Variants in TTC39B observed in about 807,000 individuals in gnomAD.
TTC39B encodes the protein tetratricopeptide repeat domain 39B.
Under a neutral mutation model 96.6 loss-of-function variants are expected in TTC39B, and 92 were observed. The observed-to-expected ratio is 0.95, with a 90% CI of 0.80 to 1.13. The LOEUF is 1.13. TTC39B is among the 50% of genes most tolerant of loss of function. The pLI, the probability that TTC39B is intolerant of heterozygous loss-of-function variation, is 0.00. For missense variants in TTC39B, 955 were observed against 809.3 expected, an observed-to-expected ratio of 1.18 and a Z score of -2.18; for synonymous variants, 367 against 299.4, an observed-to-expected ratio of 1.23 and a Z score of -2.33.
Position 15,211,393 on chromosome 9 carries a change from T to A in TTC39B, c.487A>T (p.Lys163Ter). 6.6e-7 allele frequency: 1 copy of A among 1,525,182 alleles called. No homozygotes were observed. Among genetic ancestry groups the A allele is most frequent in the Middle Eastern group, 1.7e-4 (1 of 5,736 alleles). The allele number at this position is 1,525,182 out of a possible 1,614,324, so 94.5% of individuals were successfully genotyped here. ...CCCAAGGCATGGTACATACTCTCCTTAGCCCTGGGAAGAACACAGGGAATT... is the reference window on the plus strand; with the variant it reads ...CCCAAGGCATGGTACATACTCTCCTAAGCCCTGGGAAGAACACAGGGAATT... Residue 163 changes from lysine to a stop codon, truncating the protein, a stop_gained, in exon 5 of 20, where the codon AAG becomes TAG. Coordinates refer to ENST00000512701, the Ensembl canonical transcript of TTC39B. LOFTEE classifies it high-confidence loss of function.
At chr9:15,172,273 G>A (rs1421276448) in intron 19 of TTC39B, among the ~76,000 whole-genome samples, 164 bp from the exon 20 acceptor site, 2 of 151,954 alleles carry the variant, frequency 1.3e-5, no homozygotes, top group African/African-American at 4.8e-5. Flanking sequence ...GGGGGGTTTT[G>A]GGGGGAACTG....
At chr9:15,304,937 T>C (rs1319207711) in intron 1 of TTC39B, among the ~76,000 whole-genome samples, 7 of 152,020 alleles carry the variant, frequency 4.6e-5, no homozygotes, top group African/African-American at 1.7e-4. Flanking sequence ...CCTAACCTGG[T>C]ACTTTTCCAA....
chr9:15,207,767 C>T (rs1819951192), intron 6 of TTC39B, among the ~76,000 whole-genome samples: 1 of 151,626 alleles, frequency 6.6e-6, no homozygotes, highest in South Asian at 2.1e-4. Context: ...GGGCGGATCA[C>T]AAGGTCAGGA....
At chr9:15,262,397 C>T (rs1414489866) in intron 2 of TTC39B, among the ~76,000 whole-genome samples, 1 of 152,150 alleles carries the variant, frequency 6.6e-6, no homozygotes, top group East Asian at 1.9e-4. Flanking sequence ...TAGCACTTGG[C>T]CTATTTTAAT....
intron 8 of TTC39B, among the ~76,000 whole-genome samples, chr9:15,197,351 T>C (rs950476726): frequency 5.9e-5 from 9 of 152,204 alleles, no homozygotes; most frequent in Non-Finnish European, 1.3e-4. Context: ...AAGAAATCTA[T>C]ACAACAGCAT....
intron 2 of TTC39B, among the ~76,000 whole-genome samples, chr9:15,244,288 T>C (rs1207575599): frequency 6.6e-6 from 1 of 152,248 alleles, no homozygotes; most frequent in African/African-American, 2.4e-5. Flanking sequence ...TTATCCTCTC[T>C]TACCACATGA....
At chr9:15,249,906 T>C (rs1389361685) in intron 2 of TTC39B, 2 of 1,258,162 alleles carry the variant, frequency 1.6e-6, no homozygotes, top group Non-Finnish European at 2.0e-6. Flanking sequence ...TAAATAAATA[T>C]GACATACTCA....
chr9:15,281,436 C>T (rs1300847227), intron 1 of TTC39B, among the ~76,000 whole-genome samples: 1 of 152,004 alleles, frequency 6.6e-6, no homozygotes, highest in Non-Finnish European at 1.5e-5. Context: ...CTGGACCACT[C>T]ATACAGTGCC....
intron 2 of TTC39B, among the ~76,000 whole-genome samples, chr9:15,261,330 G>A (rs1007509147): frequency 6.6e-6 from 1 of 152,022 alleles, no homozygotes; most frequent in Admixed American, 6.5e-5. Context: ...AATAAAATTA[G>A]CCAGGCGTGA....
At chr9:15,266,116 G>C (rs888542929) in intron 2 of TTC39B, among the ~76,000 whole-genome samples, 8 of 152,144 alleles carry the variant, frequency 5.3e-5, no homozygotes, top group Non-Finnish European at 1.0e-4. Flanking sequence ...AATGTACCAT[G>C]CTAACTTAAG....
intron 16 of TTC39B, chr9:15,183,279 C>T (rs1818338996): frequency 2.5e-6 from 1 of 397,582 alleles, no homozygotes; most frequent in Admixed American, 3.4e-5. Flanking sequence ...ACTCTACCTT[C>T]AATTTTACAT....
intron 2 of TTC39B, among the ~76,000 whole-genome samples, chr9:15,231,239 C>G (rs912423475): frequency 1.3e-5 from 2 of 152,004 alleles, no homozygotes; most frequent in Non-Finnish European, 2.9e-5. Context: ...TCTTGAACTC[C>G]TAGGCTCAAG....
At chr9:15,303,296 T>C (rs1200322028) in intron 1 of TTC39B, among the ~76,000 whole-genome samples, 1 of 152,200 alleles carries the variant, frequency 6.6e-6, no homozygotes, top group African/African-American at 2.4e-5. Flanking sequence ...AATAGCAATG[T>C]AATCAACTTT....
intron 17 of TTC39B, among the ~76,000 whole-genome samples, chr9:15,178,270 GA>G (rs1389282720): frequency 2.0e-4 from 31 of 152,076 alleles, no homozygotes; most frequent in Admixed American, 2.0e-3. Context: ...AAAATACAAT[GA>G]AATTATTTTA....
At chr9:15,191,095 T>G in intron 10 of TTC39B, 95 bp downstream of exon 10, 1 of 835,426 alleles carries the variant, frequency 1.2e-6, no homozygotes, top group Non-Finnish European at 1.9e-6. Context: ...CCAATAATTA[T>G]CAAGGTAGTT....
chr9:15,192,768 A>T, intron 8 of TTC39B, 73 bp from the exon 9 acceptor site: 1 of 992,940 alleles, frequency 1.0e-6, no homozygotes, highest in Non-Finnish European at 1.5e-6. Flanking sequence ...CAAATTTTAC[A>T]CTTATGTGCT....
chr9:15,288,891 A>G (rs1377341946), intron 1 of TTC39B, among the ~76,000 whole-genome samples: 1 of 152,210 alleles, frequency 6.6e-6, no homozygotes, highest in Non-Finnish European at 1.5e-5. Flanking sequence ...AGCCGAACAG[A>G]CAAGCCACAC....
At chr9:15,277,444 T>A (rs1029468962) in intron 1 of TTC39B, among the ~76,000 whole-genome samples, 2 of 151,970 alleles carry the variant, frequency 1.3e-5, no homozygotes, top group African/African-American at 4.8e-5. Context: ...ACAACGTAAT[T>A]TATGAGCACA....
chr9:15,244,125 A>G (rs1247601712), intron 2 of TTC39B, among the ~76,000 whole-genome samples: 2 of 152,158 alleles, frequency 1.3e-5, no homozygotes, highest in Non-Finnish European at 2.9e-5. Flanking sequence ...ACAAACAACA[A>G]TGGAATGTTG....
Sources: allele counts gnomAD v4.1 joint callset (sites outside exome capture counted in the v4.1 genomes callset), GRCh38; gene constraint gnomAD v4.1.1; transcripts MANE v1.5; gene names NCBI Gene and HGNC (gene_info 2026-07-23, HGNC 2026-07-21).